The following ADPGK variants were observed in gnomAD, a reference collection of about 807,000 sequenced individuals.
ADPGK encodes ADP dependent glucokinase.
In ADPGK, 26 loss-of-function variants were observed where a neutral mutation model predicts 42.4. The ratio of observed to expected loss-of-function variants is 0.61; its 90% CI spans 0.45 to 0.85. The LOEUF is 0.85. Among genes scored for constraint, ADPGK ranks in the 40% least tolerant of loss-of-function variants. ADPGK has a pLI of 0.00. For synonymous variants in ADPGK, 267 were observed against 252.6 expected, an observed-to-expected ratio of 1.06 and a Z score of -0.54; for missense variants, 571 against 627.0, an observed-to-expected ratio of 0.91 and a Z score of 0.95.
chr15:72,752,331 A>G lies in ADPGK; in HGVS notation c.*10T>C. 6.3e-7 allele frequency: 1 copy of G among 1,590,820 alleles called. No homozygotes were observed. Among genetic ancestry groups the G allele is most frequent in the Non-Finnish European group, 8.6e-7 (1 of 1,165,104 alleles). On this transcript the variant is annotated 3_prime_UTR_variant, in exon 7 of 7. Coordinates refer to ENST00000456471, the MANE Select transcript of ADPGK (RefSeq NM_001365225.1). ...CTCCTTCCTCAGAAAAATTACCCCTAAGAATCTTCCTAATAGTGAGGGTGT... is the reference window on the plus strand; with the variant it reads ...CTCCTTCCTCAGAAAAATTACCCCTGAGAATCTTCCTAATAGTGAGGGTGT...
In ADPGK at chr15:72,760,525, A is replaced by T. The variant is rs745854399; in HGVS notation, c.525T>A (p.Val175=). The T allele has an allele frequency of 6.3e-7, 1 of 1,597,910 alleles. No individual in the cohort carries two copies. The highest frequency in any genetic ancestry group is 2.3e-5 in the East Asian group (1 of 44,346). ...QKFAANSDLK[V]LLCGPVGPKL... ...TTGGACCAACTGGACCGCAAAGAAG[A>T]ACCTGGAGGCAAGCAACACGAAGTC... The change falls in exon 4 of 7, where the codon GTT becomes GTA. Residue 175 remains valine, a splice_region_variant and synonymous_variant. Transcript: ENST00000456471.
At chr15:72,774,796 C>A in intron 2 of ADPGK, 76 bp downstream of exon 2, 1 of 1,361,422 alleles carries the variant, frequency 7.3e-7, no homozygotes, top group Non-Finnish European at 1.0e-6. Flanking sequence ...TGAAAAGTTG[C>A]TTGCTTGCTT....
intron 3 of ADPGK, among the ~76,000 whole-genome samples, 156 bp downstream of exon 3, chr15:72,771,627 A>G (rs1276568913): frequency 6.6e-6 from 1 of 152,248 alleles, no homozygotes; most frequent in African/African-American, 2.4e-5. Context: ...AGTTACTACT[A>G]TCTCCTACTA....
intron 4 of ADPGK, 126 bp from the exon 5 acceptor site, chr15:72,756,573 AC>A: frequency 1.0e-6 from 1 of 981,212 alleles, no homozygotes; most frequent in Non-Finnish European, 1.5e-6. Context: ...GGCTGAGGAG[AC>A]CCCAGCAACA....
chr15:72,761,764 T>C (rs2066196573), intron 3 of ADPGK, among the ~76,000 whole-genome samples: 1 of 151,084 alleles, frequency 6.6e-6, no homozygotes, highest in African/African-American at 2.4e-5. Flanking sequence ...AGTGGTGCAA[T>C]CATAGCTCAC....
Position 72,774,956 on chromosome 15 carries a change from C to G in ADPGK, c.375G>C (p.Lys125Asn). The G allele has an allele frequency of 3.1e-6, 5 of 1,614,186 alleles. No individual in the cohort carries two copies. The South Asian group carries it at 3.3e-5, about 11-fold the overall frequency. Residue 125 changes from lysine to asparagine, a missense_variant, in exon 2 of 7, where the codon AAG (lysine) becomes AAC (asparagine). By Grantham distance (94) the Lys-to-Asn change is moderately conservative (BLOSUM62 0). Around this residue, in one of 2 missense-constraint regions of ADPGK, gnomAD observed 434 missense variants for 522.7 expected, o/e 0.83. Coordinates refer to ENST00000456471, the MANE Select transcript of ADPGK (RefSeq NM_001365225.1). ...TGAAGAAGCGCTCAGCAGCTGCTCC[C>G]TTCCCCATGAAGTGAATGAAGGCTT... The part of the protein sequence containing the change: ...LEEAFIHFMG[K>N]GAAAERFFSD...
At chr15:72,772,357 CCT>C (rs1477084147) in intron 2 of ADPGK, among the ~76,000 whole-genome samples, 9 of 152,322 alleles carry the variant, frequency 5.9e-5, no homozygotes, top group Admixed American at 2.0e-4. Context: ...TCAGCCTTCC[CCT>C]GTCTCTGTGC....
In ADPGK at chr15:72,752,900, C is replaced by T. The variant is rs2066066482; in HGVS notation, c.940-5G>A. 3.7e-6 allele frequency: 6 copies of T among 1,604,176 alleles called. No individual in the cohort carries two copies. Among genetic ancestry groups the T allele is most frequent in the Non-Finnish European group, 5.1e-6 (6 of 1,174,936 alleles). ...AGTCACCGCGGGAAAGACCTGCTAA[C>T]AAAAACAACAACAGGTATCTTTCTG... is the stretch of plus-strand genomic sequence containing the variant. On this transcript the variant is annotated splice_region_variant and splice_polypyrimidine_tract_variant and intron_variant, in intron 6 of 6. Coordinates refer to ENST00000456471, the MANE Select transcript of ADPGK (RefSeq NM_001365225.1).
chr15:72,771,755 T>C (rs777565961), intron 3 of ADPGK, 28 bp downstream of exon 3: 2 of 1,590,268 alleles, frequency 1.3e-6, no homozygotes, highest in Admixed American at 1.8e-5. Context: ...GGGAAAGGCA[T>C]AGGTTTTAAT....
At chr15:72,779,603 A>G (rs1420070673) in intron 1 of ADPGK, among the ~76,000 whole-genome samples, 6 of 152,102 alleles carry the variant, frequency 3.9e-5, no homozygotes, top group Non-Finnish European at 8.8e-5. Flanking sequence ...AAGCAGGGGA[A>G]GTTTCCTAGA....
chr15:72,783,147 C>T (rs949502383), intron 1 of ADPGK: 41 of 1,036,668 alleles, frequency 4.0e-5, no homozygotes, highest in Non-Finnish European at 4.8e-5. Flanking sequence ...ACAACAGTCG[C>T]CAGAAGAGAA....
intron 1 of ADPGK, among the ~76,000 whole-genome samples, chr15:72,777,364 G>A (rs979130825): frequency 1.3e-5 from 2 of 152,114 alleles, no homozygotes. Flanking sequence ...GTTCAGAAAT[G>A]GAGGGAAACC....
Position 72,752,684 on chromosome 15 carries a change from A to G in ADPGK, c.1151T>C (p.Leu384Pro), listed in dbSNP as rs2066062405. The change falls in exon 7 of 7, where the codon CTG becomes CCG. Residue 384 changes from leucine to proline, a missense_variant. Transcript: ENST00000456471. The stretch of plus-strand genomic sequence containing the variant: ...CACAGTTGCCAGGATGTGGTAGACC[A>G]GCGTGTGGAAATGGATCCTGGTGAG... Reference protein sequence around the residue: ...SDLTRIHFHTLVYHILATVDG... With the variant: ...SDLTRIHFHTPVYHILATVDG... 6.2e-7 allele frequency: 1 copy of G among 1,614,234 alleles called. No homozygotes were observed. Among genetic ancestry groups the G allele is most frequent in the Non-Finnish European group, 8.5e-7 (1 of 1,180,036 alleles).
At chr15:72,756,609 G>GC in intron 4 of ADPGK, 162 bp from the exon 5 acceptor site, 1 of 715,926 alleles carries the variant, frequency 1.4e-6, no homozygotes, top group Non-Finnish European at 2.3e-6. Flanking sequence ...GCATGGCACT[G>GC]CAAGAAACAA....
At position 72,751,752 on chromosome 15, in the gene ADPGK, A is replaced by ATTT. The variant is rs1416014931; in HGVS notation, c.*588_*589insAAA. ...ACCCAGGCTTCCAGACAACTGCAGAATGAAAGAGTCCCTCAGAGGCTCCCC... is the reference window on the plus strand; with the variant it reads ...ACCCAGGCTTCCAGACAACTGCAGAATTTTGAAAGAGTCCCTCAGAGGCTCCCC... On this transcript the variant is annotated 3_prime_UTR_variant, in exon 7 of 7. Coordinates refer to ENST00000456471, the MANE Select transcript of ADPGK (RefSeq NM_001365225.1). The ATTT allele has an allele frequency of 6.5e-6, 1 of 153,408 alleles. No individual in the cohort carries two copies. The highest frequency in any genetic ancestry group is 1.5e-5 in the Non-Finnish European group (1 of 68,810). 9.5% of individuals were successfully genotyped at this position (153,408 alleles called of 1,614,324 possible).
In ADPGK at chr15:72,756,292, C is replaced by A. The variant is rs1192785760; in HGVS notation, c.799G>T (p.Glu267Ter). The A allele has an allele frequency of 6.2e-7, 1 of 1,614,132 alleles. No individual in the cohort carries two copies. The highest frequency in any genetic ancestry group is 8.5e-7 in the Non-Finnish European group (1 of 1,180,046). Residue 267 changes from glutamate (E) to a stop codon, truncating the protein, a stop_gained, in exon 5 of 7, where the codon GAG (glutamate) becomes TAG (stop). Transcript: ENST00000456471. LOFTEE classifies it high-confidence loss of function. The part of the protein sequence containing the change: ...LVVLSGLHMM[E>*]GQSKELQRKR... ...CTCTGGAGCTCCTTGCTTTGTCCCT[C>A]CATCATGTGCAATCCAGAGAGGACC...
At chr15:72,771,920 T>A (rs1381238993) in intron 2 of ADPGK, 75 bp from the exon 3 acceptor site, 14 of 1,231,966 alleles carry the variant, frequency 1.1e-5, no homozygotes, top group African/African-American at 4.6e-5. Flanking sequence ...TTTTTTATTT[T>A]AAAAATTAAT....
intron 2 of ADPGK, among the ~76,000 whole-genome samples, chr15:72,774,163 A>G (rs2066361334): frequency 6.6e-6 from 1 of 152,236 alleles, no homozygotes; most frequent in East Asian, 1.9e-4. Flanking sequence ...AGTCATCAAA[A>G]TAAAAGTAGT....
intron 1 of ADPGK, among the ~76,000 whole-genome samples, chr15:72,782,263 C>G (rs1485882336): frequency 1.3e-5 from 2 of 152,086 alleles, no homozygotes; most frequent in Non-Finnish European, 2.9e-5. Flanking sequence ...AATTTAATCC[C>G]AGCACTTTGG....
Sources: allele counts gnomAD v4.1 joint callset (sites outside exome capture counted in the v4.1 genomes callset), GRCh38; gene constraint gnomAD v4.1.1; regional missense constraint gnomAD v4.1.1; transcripts MANE v1.5; gene names NCBI Gene and HGNC (gene_info 2026-07-23, HGNC 2026-07-21).